The following OSBPL6 variants were observed in gnomAD, a reference collection of about 807,000 sequenced individuals.
The protein encoded by OSBPL6 is oxysterol binding protein like 6, also known as oxysterol-binding protein-related protein 6.
OSBPL6 carries 49 observed loss-of-function variants against 125.8 expected under a neutral mutation model. The ratio of observed to expected loss-of-function variants is 0.39; its 90% CI spans 0.31 to 0.49. OSBPL6 has a LOEUF of 0.49. Ranked by LOEUF, OSBPL6 falls within the 20% of genes least tolerant of loss-of-function variation. The pLI, the probability that OSBPL6 is intolerant of heterozygous loss-of-function variation, is 0.88. For synonymous variants in OSBPL6, 394 were observed against 391.8 expected (o/e 1.01, Z -0.07); for missense variants, 986 against 1,135.4 (o/e 0.87, Z 1.89).
rs11316513 is a variant in OSBPL6 at position 178,287,963 on chromosome 2, ATT to A, written c.-156+2854_-156+2855del. On this transcript the variant is annotated intron_variant, in intron 2 of 24. Transcript: ENST00000190611. ...TGTTGTTGACATATGAAACAGGTTG[ATT>A]TTTTTTTTTTTAAGTAAAACTAACC... Among the ~76,000 whole-genome samples the A allele has an allele frequency of 3.6e-3, 539 of 149,236 alleles. 5 individuals carry two copies. The highest frequency in any genetic ancestry group is 0.011 in the African/African-American group (462 of 40,668).
intron 1 of OSBPL6, among the ~76,000 whole-genome samples, chr2:178,228,604 G>T (rs2090678520): frequency 6.6e-6 from 1 of 152,022 alleles, no homozygotes; most frequent in South Asian, 2.1e-4. Context: ...AAGTTAAAAA[G>T]GACAAAGAAA....
chr2:178,392,367 C>T (rs368015387), intron 22 of OSBPL6, 45 bp from the exon 23 acceptor site: 26 of 1,607,514 alleles, frequency 1.6e-5, no homozygotes, highest in Non-Finnish European at 2.1e-5. Context: ...CTTCCAGTTC[C>T]ATAAACCTTC....
At chr2:178,388,781 A>C (rs933485551) in intron 20 of OSBPL6, among the ~76,000 whole-genome samples, 8 of 152,204 alleles carry the variant, frequency 5.3e-5, no homozygotes, top group Non-Finnish European at 1.0e-4. Flanking sequence ...ACCAGGCCCT[A>C]TTCCACTTTG....
At chr2:178,384,877 T>TTA (rs1375916168) in intron 18 of OSBPL6, among the ~76,000 whole-genome samples, 1 of 144,092 alleles carries the variant, frequency 6.9e-6, no homozygotes, top group Non-Finnish European at 1.5e-5. Context: ...GTAGCCTTTT[T>TTA]AAAAAAAAAA....
intron 1 of OSBPL6, among the ~76,000 whole-genome samples, chr2:178,235,072 T>C (rs2090991915): frequency 2.0e-5 from 3 of 152,250 alleles, no homozygotes; most frequent in Admixed American, 6.5e-5. Flanking sequence ...TCTTCTGTTA[T>C]ACAAAGAACA....
chr2:178,330,412 C>A (rs896100743), intron 5 of OSBPL6, among the ~76,000 whole-genome samples: 1 of 152,210 alleles, frequency 6.6e-6, no homozygotes, highest in Non-Finnish European at 1.5e-5. Context: ...CTGATCTCTA[C>A]AACCACCATG....
intron 1 of OSBPL6, among the ~76,000 whole-genome samples, chr2:178,258,055 T>G (rs1056115075): frequency 1.3e-5 from 2 of 152,110 alleles, no homozygotes; most frequent in Non-Finnish European, 2.9e-5. Flanking sequence ...CCTCCCAAAG[T>G]GCTGGGATTA....
intron 1 of OSBPL6, among the ~76,000 whole-genome samples, chr2:178,202,580 T>C (rs1174628995): frequency 6.6e-6 from 1 of 152,130 alleles, no homozygotes; most frequent in African/African-American, 2.4e-5. Context: ...CCCAGCACTT[T>C]GGGAGGCTGA....
At chr2:178,242,287 C>T (rs977678777) in intron 1 of OSBPL6, among the ~76,000 whole-genome samples, 2 of 152,250 alleles carry the variant, frequency 1.3e-5, no homozygotes, top group African/African-American at 2.4e-5. Context: ...CTGACATCAT[C>T]TCAAAAGTAC....
chr2:178,366,609 A>G (rs1380759245), intron 13 of OSBPL6, among the ~76,000 whole-genome samples: 1 of 152,264 alleles, frequency 6.6e-6, no homozygotes, highest in African/African-American at 2.4e-5. Context: ...AGAATCAGCG[A>G]AATGTAAATA....
intron 11 of OSBPL6, among the ~76,000 whole-genome samples, chr2:178,340,607 T>A (rs1274263035): frequency 2.6e-5 from 4 of 152,106 alleles, no homozygotes; most frequent in Non-Finnish European, 5.9e-5. Flanking sequence ...TCCTCCTAAA[T>A]GCATATTATA....
At chr2:178,200,459 C>T (rs1207169582) in intron 1 of OSBPL6, among the ~76,000 whole-genome samples, 2 of 151,894 alleles carry the variant, frequency 1.3e-5, no homozygotes, top group Admixed American at 6.6e-5. Flanking sequence ...ACCATGTTGG[C>T]CAGACTCGTC....
chr2:178,239,592 T>TTTTATTTATTTA (rs80019586), intron 1 of OSBPL6, among the ~76,000 whole-genome samples: 22 of 138,744 alleles, frequency 1.6e-4, no homozygotes, highest in South Asian at 4.9e-4. Context: ...ATGAACTTTA[T>TTTTATTTATTTA]TTTATTTATT....
At chr2:178,286,215 T>C (rs561748504) in intron 2 of OSBPL6, among the ~76,000 whole-genome samples, 1 of 152,332 alleles carries the variant, frequency 6.6e-6, no homozygotes, top group South Asian at 2.1e-4. Flanking sequence ...AGATATCTGG[T>C]TTCTCTTGGA....
At chr2:178,331,750 C>G in intron 6 of OSBPL6, 145 bp downstream of exon 6, 1 of 800,630 alleles carries the variant, frequency 1.2e-6, no homozygotes, top group Non-Finnish European at 2.1e-6. Flanking sequence ...TCCCAAACCT[C>G]CATGTTCTAA....
In OSBPL6 at chr2:178,215,100, A is replaced by T. The variant is rs183481461; in HGVS notation, c.-351+20426A>T. On this transcript the variant is annotated intron_variant, in intron 1 of 24. Coordinates refer to ENST00000190611, the MANE Select transcript of OSBPL6 (RefSeq NM_032523.4). ...GGTTTAAAAGCAAAATTATCCTTTA[A>T]AAAAAAAAAAAAGAAAAAACAGAAA... 8.0e-3 allele frequency among the ~76,000 whole-genome samples: 1,147 copies of T among 144,014 alleles called. 12 individuals carry two copies. The highest frequency in any genetic ancestry group is 0.027 in the African/African-American group (1,056 of 38,948). The allele number at this position is 144,014 out of a possible 152,430, so 94.5% of individuals were successfully genotyped here. A position where few individuals can be genotyped will look rare whatever the true frequency, so the allele number is the denominator to read the frequency against.
At position 178,361,709 on chromosome 2, in the gene OSBPL6, A is replaced by G. The variant is rs1035262073; in HGVS notation, c.1181A>G (p.Asn394Ser). Residue 394 changes from asparagine to serine, a missense_variant, in exon 13 of 25, where the codon AAT (asparagine) becomes AGT (serine). This residue lies in a region of OSBPL6 where 843 missense variants were observed against 997.3 expected (regional missense o/e 0.85). Transcript: ENST00000190611. ...CATTCTCTTTTGAAGTCTGCATTTA[A>G]TAGCATAGCTATAGAGAAGGAGAAG... is the stretch of plus-strand genomic sequence containing the variant. ...KVHSLLKSAFNSIAIEKEKLK... is the reference protein window; with the variant it reads ...KVHSLLKSAFSSIAIEKEKLK... 7 of 1,613,992 alleles carry G rather than the reference A, an allele frequency of 4.3e-6. No homozygotes were observed. Among genetic ancestry groups the G allele is most frequent in the Admixed American group, 1.7e-5 (1 of 60,004 alleles).
At chr2:178,237,537 C>T (rs1282943081) in intron 1 of OSBPL6, among the ~76,000 whole-genome samples, 2 of 152,104 alleles carry the variant, frequency 1.3e-5, no homozygotes, top group African/African-American at 4.8e-5. Flanking sequence ...GCTGATTTAT[C>T]AGTTATATTC....
intron 1 of OSBPL6, among the ~76,000 whole-genome samples, chr2:178,214,493 CTG>C (rs1214301269): frequency 6.6e-6 from 1 of 152,184 alleles, no homozygotes; most frequent in Non-Finnish European, 1.5e-5. Context: ...GACGAACAGA[CTG>C]GAATTCTCTG....
Sources: gnomAD v4.1 joint callset for allele counts (sites outside exome capture counted in the v4.1 genomes callset) on GRCh38, gnomAD v4.1.1 for gene constraint, gnomAD v4.1.1 regional missense constraint, MANE v1.5 for transcripts, NCBI Gene and HGNC (gene_info 2026-07-23, HGNC 2026-07-21) for gene names.